OR5H1: variants seen among roughly 807,000 people sequenced by gnomAD.
OR5H1 encodes the protein olfactory receptor family 5 subfamily H member 1.
For synonymous variants in OR5H1, 124 were observed against 134.4 expected, an observed-to-expected ratio of 0.92 and a Z score of 0.54; for missense variants, 378 against 366.8, an observed-to-expected ratio of 1.03 and a Z score of -0.25.
rs1708298424 is a variant in OR5H1, at chr3:98,134,552, T to A, written c.*913T>A. On this transcript the variant is annotated 3_prime_UTR_variant, in exon 2 of 2. Transcript: ENST00000641874. ...ATGCCTGTCATGTAAGTTCAAATAA[T>A]GTTAACATGATACGACATCATGGTG... 1.3e-5 allele frequency: 2 copies of A among 152,050 alleles called. No individual in the cohort carries two copies. The highest frequency in any genetic ancestry group is 2.1e-4 in the South Asian group (1 of 4,826). The allele number at this position is 152,050 out of a possible 1,614,324, so 9.4% of individuals were successfully genotyped here.
In OR5H1 at chr3:98,133,157, C is replaced by A. The variant is rs1708278665; in HGVS notation, c.460C>A (p.Leu154Ile). The A allele has an allele frequency of 1.2e-6, 2 of 1,613,016 alleles. No homozygotes were observed. Among genetic ancestry groups the A allele is most frequent in the South Asian group, 2.2e-5 (2 of 91,052 alleles). The change falls in exon 2 of 2, where the codon CTT becomes ATT. Residue 154 changes from leucine (L) to isoleucine (I), a missense_variant. By Grantham distance (5) the Leu-to-Ile change is conservative. Transcript: ENST00000641874. ...AATCTTGTCATATGTAGGTGGTATT[C>A]TTCATGCTTTAATCCATGAAGGATT... ...LLILSYVGGI[L>I]HALIHEGFLF...
chr3:98,133,207 C>T lies in OR5H1; in HGVS notation c.510C>T (p.Asn170=), dbSNP rs775311907. 1 of 1,612,750 alleles carries T rather than the reference C, an allele frequency of 6.2e-7. No individual in the cohort carries two copies. Among genetic ancestry groups the T allele is most frequent in the South Asian group, 1.1e-5 (1 of 91,046 alleles). ...EGFLFRLTFC[N]SNIVHHIYCD... ...TTTTATTCAGACTAACCTTCTGTAA[C>T]TCCAACATAGTACATCACATTTACT... is the stretch of plus-strand genomic sequence containing the variant. Residue 170 remains asparagine, a synonymous_variant, in exon 2 of 2, where the codon AAC becomes AAT. Transcript: ENST00000641874.
At chr3:98,132,486 T>C (rs1489098221) in intron 1 of OR5H1, among the ~76,000 whole-genome samples, 194 bp from the exon 2 acceptor site, 1 of 152,098 alleles carries the variant, frequency 6.6e-6, no homozygotes, top group Non-Finnish European at 1.5e-5. Flanking sequence ...TGCTAATTAC[T>C]GCACAGTTTC....
Position 98,138,269 on chromosome 3 carries a change from T to A in OR5H1, c.*4630T>A, listed in dbSNP as rs1194822953. 6.6e-6 allele frequency: 1 copy of A among 152,174 alleles called. No individual in the cohort carries two copies. Among genetic ancestry groups the A allele is most frequent in the African/African-American group, 2.4e-5 (1 of 41,446 alleles). 9.4% of individuals were successfully genotyped at this position (152,174 alleles called of 1,614,324 possible). ...CAGAACAGAACGGGAGGTTTCACAA[T>A]GTCCTACCATACGATGTCTGGAATC... On this transcript the variant is annotated 3_prime_UTR_variant, in exon 2 of 2. Transcript: ENST00000641874.
At position 98,137,049 on chromosome 3, in the gene OR5H1, G is replaced by C. The variant is rs1373076374; in HGVS notation, c.*3410G>C. ...ATTCTCCAGTCATATCTAATTTTAT[G>C]CACATTCTCCAATGTGACATTCCAG... On this transcript the variant is annotated 3_prime_UTR_variant, in exon 2 of 2. Transcript: ENST00000641874. 1.8e-4 allele frequency: 27 copies of C among 152,170 alleles called. No individual in the cohort carries two copies. The highest frequency in any genetic ancestry group is 6.5e-4 in the African/African-American group (27 of 41,522). 9.4% of individuals were successfully genotyped at this position (152,170 alleles called of 1,614,324 possible).
rs1680301799 is a variant in OR5H1, at chr3:98,136,644, G to A, written c.*3005G>A. ...GAGGTGTCGAAGATGGGAGGTGTTT[G>A]GGTCATGGGGGTCGATCTCTCATGA... is the stretch of plus-strand genomic sequence containing the variant. On this transcript the variant is annotated 3_prime_UTR_variant, in exon 2 of 2. Transcript: ENST00000641874. 6.6e-6 allele frequency: 1 copy of A among 150,946 alleles called. No homozygotes were observed. Among genetic ancestry groups the A allele is most frequent in the Non-Finnish European group, 1.5e-5 (1 of 67,948 alleles). The allele number at this position is 150,946 out of a possible 1,614,324, so 9.4% of individuals were successfully genotyped here.
At chr3:98,131,410 G>A (rs1279876074) in intron 1 of OR5H1, among the ~76,000 whole-genome samples, 1 of 151,538 alleles carries the variant, frequency 6.6e-6, no homozygotes, top group Non-Finnish European at 1.5e-5. Context: ...TATTCCAAAT[G>A]TAGGATCAGT....
Position 98,133,217 on chromosome 3 carries a change from G to A in OR5H1, c.520G>A (p.Val174Ile). ...FRLTFCNSNI[V>I]HHIYCDTIPL... Reference sequence around the variant, plus strand: ...ACTAACCTTCTGTAACTCCAACATAGTACATCACATTTACTGTGACACTAT... The same window carrying A: ...ACTAACCTTCTGTAACTCCAACATAATACATCACATTTACTGTGACACTAT... The change falls in exon 2 of 2, where the codon GTA (valine) becomes ATA (isoleucine). Residue 174 changes from valine (V) to isoleucine (I), a missense_variant. Coordinates refer to ENST00000641874, the MANE Select transcript of OR5H1 (RefSeq NM_001005338.2). 6.2e-7 allele frequency: 1 copy of A among 1,612,758 alleles called. No homozygotes were observed. Among genetic ancestry groups the A allele is most frequent in the South Asian group, 1.1e-5 (1 of 91,040 alleles).
Position 98,132,913 on chromosome 3 carries a change from G to C in OR5H1, c.216G>C (p.Trp72Cys). The C allele has an allele frequency of 6.2e-7, 1 of 1,613,170 alleles. No individual in the cohort carries two copies. Among genetic ancestry groups the C allele is most frequent in the Non-Finnish European group, 8.5e-7 (1 of 1,179,338 alleles). ...LLGNLAFVDA[W>C]ISSTVTPKML... ...GGAATTTAGCTTTTGTGGATGCTTG[G>C]ATATCATCCACAGTGACCCCAAAGA... Residue 72 changes from tryptophan (W) to cysteine (C), a missense_variant, in exon 2 of 2, where the codon TGG (tryptophan) becomes TGC (cysteine). Physicochemically the swap from Trp to Cys is radical, Grantham distance 215. Transcript: ENST00000641874.
At chr3:98,131,757 A>T (rs1005220370) in intron 1 of OR5H1, among the ~76,000 whole-genome samples, 1 of 152,020 alleles carries the variant, frequency 6.6e-6, no homozygotes, top group Non-Finnish European at 1.5e-5. Flanking sequence ...CATATTACTG[A>T]TTGGAACACA....
At chr3:98,131,054 A>G (rs1163474581) in intron 1 of OR5H1, among the ~76,000 whole-genome samples, 1 of 151,934 alleles carries the variant, frequency 6.6e-6, no homozygotes, top group African/African-American at 2.4e-5. Context: ...TTTTTCCTTT[A>G]ATATTTTGCT....
Position 98,133,469 on chromosome 3 carries a change from AT to A in OR5H1, c.775del (p.Tyr259MetfsTer27), listed in dbSNP as rs757138677. 9.2e-5 allele frequency: 149 copies of A among 1,613,328 alleles called. No individual in the cohort carries two copies. Among genetic ancestry groups the A allele is most frequent in the Non-Finnish European group, 1.2e-4 (141 of 1,179,676 alleles). ...TTTATACTATGGACCCCTTCTCTTC[AT>A]TTATGTGGGCCCTGCATCTCCGCAA... ...VSLYYGPLLF[I>X]YVGPASPQAD... is the part of the protein sequence containing the mutation. On this transcript the variant is annotated frameshift_variant, in exon 2 of 2. Coordinates refer to ENST00000641874, the MANE Select transcript of OR5H1 (RefSeq NM_001005338.2). LOFTEE classifies it low-confidence loss of function (END_TRUNC).
rs762751937 is a variant in OR5H1 at position 98,133,288 on chromosome 3, A to G, written c.591A>G (p.Leu197=). The change falls in exon 2 of 2, where the codon CTA becomes CTG. Residue 197 remains leucine, a synonymous_variant. Coordinates refer to ENST00000641874, the MANE Select transcript of OR5H1 (RefSeq NM_001005338.2). The part of the protein sequence containing the change: ...ISCTDSSINF[L]MVFIFSGSIQ... ...GTACTGATTCTTCTATTAATTTTCT[A>G]ATGGTTTTTATTTTCTCAGGTTCAA... The G allele has an allele frequency of 6.2e-7, 1 of 1,611,548 alleles. No homozygotes were observed. Among genetic ancestry groups the G allele is most frequent in the South Asian group, 1.1e-5 (1 of 90,986 alleles).
In OR5H1 at chr3:98,132,707, GA is replaced by G. The variant is rs1472079441; in HGVS notation, c.14del (p.Asn5MetfsTer5). On this transcript the variant is annotated frameshift_variant, in exon 2 of 2. Transcript: ENST00000641874. LOFTEE classifies it low-confidence loss of function (END_TRUNC). ...GGCATGCTGTGAGGACATGGAAGAG[GA>G]AAATGCAACATTGCTGACAGAGTTT... MEE[E>X]NATLLTEFVL... 1 of 1,612,480 alleles carries G rather than the reference GA, an allele frequency of 6.2e-7. No homozygotes were observed. The highest frequency in any genetic ancestry group is 1.7e-5 in the Admixed American group (1 of 59,838).
intron 1 of OR5H1, among the ~76,000 whole-genome samples, chr3:98,131,076 CTTA>C (rs745492240): frequency 4.0e-5 from 6 of 151,780 alleles, no homozygotes; most frequent in African/African-American, 9.7e-5. Flanking sequence ...TTTTGTTAAT[CTTA>C]TTATGATGAG....
chr3:98,132,070 C>T (rs913767418), intron 1 of OR5H1, among the ~76,000 whole-genome samples: 9 of 151,962 alleles, frequency 5.9e-5, no homozygotes, highest in African/African-American at 1.9e-4. Flanking sequence ...TAAATAACTT[C>T]TACATTAAAA....
intron 1 of OR5H1, among the ~76,000 whole-genome samples, chr3:98,132,150 G>A (rs1006686550): frequency 1.3e-5 from 2 of 151,850 alleles, no homozygotes; most frequent in African/African-American, 4.8e-5. Context: ...GGGATTGCCT[G>A]GGCCTTACTA....
At position 98,138,036 on chromosome 3, in the gene OR5H1, C is replaced by G. The variant is rs1708339917; in HGVS notation, c.*4397C>G. On this transcript the variant is annotated 3_prime_UTR_variant, in exon 2 of 2. Coordinates refer to ENST00000641874, the MANE Select transcript of OR5H1 (RefSeq NM_001005338.2). The stretch of plus-strand genomic sequence containing the variant: ...AGGACGAGCCGTGGGCAAAACCCCT[C>G]AGACACCGAGATAGTGAAGGGAGTG... 6.6e-6 allele frequency: 1 copy of G among 152,084 alleles called. No homozygotes were observed. Among genetic ancestry groups the G allele is most frequent in the South Asian group, 2.1e-4 (1 of 4,818 alleles). The allele number at this position is 152,084 out of a possible 1,614,324, so 9.4% of individuals were successfully genotyped here. A position where few individuals can be genotyped will look rare whatever the true frequency, so the allele number is the denominator to read the frequency against.
intron 1 of OR5H1, among the ~76,000 whole-genome samples, 154 bp from the exon 2 acceptor site, chr3:98,132,526 T>C (rs1422850111): frequency 6.6e-6 from 1 of 152,066 alleles, no homozygotes. Flanking sequence ...TTTCATGTCT[T>C]TATTGCAACA....
Sources: gnomAD v4.1 joint callset for allele counts (sites outside exome capture counted in the v4.1 genomes callset) on GRCh38, gnomAD v4.1.1 for gene constraint, MANE v1.5 for transcripts, NCBI Gene and HGNC (gene_info 2026-07-23, HGNC 2026-07-21) for gene names.